The following FLVCR2 variants were observed in gnomAD, a reference collection of about 807,000 sequenced individuals.
FLVCR2 encodes FLVCR choline and putative heme transporter 2.
A neutral mutation model predicts 48.9 loss-of-function variants in FLVCR2; 38 were observed. The ratio of observed to expected loss-of-function variants is 0.78; its 90% CI spans 0.60 to 1.02. The LOEUF is 1.02. Ranked by LOEUF, FLVCR2 falls within the 50% of genes least tolerant of loss-of-function variation. The pLI is 0.00. For missense variants in FLVCR2, 664 were observed against 663.3 expected, an observed-to-expected ratio of 1.00 and a Z score of -0.01; for synonymous variants, 255 against 257.0, an observed-to-expected ratio of 0.99 and a Z score of 0.07.
At chr14:75,633,591 G>A (rs1412319980) in intron 3 of FLVCR2, 38 bp from the exon 4 acceptor site, 1 of 1,562,298 alleles carries the variant, frequency 6.4e-7, no homozygotes. Flanking sequence ...CCAGAAGAAA[G>A]CTGACCCTAA....
intron 1 of FLVCR2, among the ~76,000 whole-genome samples, chr14:75,606,502 A>G (rs1220096505): frequency 6.6e-6 from 1 of 152,166 alleles, no homozygotes; most frequent in African/African-American, 2.4e-5. Context: ...TCTGCTGAGA[A>G]GCTAGACAGG....
intron 1 of FLVCR2, among the ~76,000 whole-genome samples, chr14:75,585,725 G>A (rs887321616): frequency 5.9e-5 from 9 of 152,220 alleles, no homozygotes; most frequent in African/African-American, 2.2e-4. Context: ...TCCCCGCAAT[G>A]ATTAAACACC....
intron 1 of FLVCR2, among the ~76,000 whole-genome samples, chr14:75,602,280 A>G (rs1889184047): frequency 6.6e-6 from 1 of 152,114 alleles, no homozygotes; most frequent in Admixed American, 6.5e-5. Context: ...TACATTTCCA[A>G]GTTCGAATCC....
chr14:75,599,333 C>T (rs888031307), intron 1 of FLVCR2, among the ~76,000 whole-genome samples: 2 of 151,262 alleles, frequency 1.3e-5, no homozygotes, highest in Non-Finnish European at 2.9e-5. Flanking sequence ...AACACCCCCC[C>T]CCAAAAAATT....
Position 75,579,384 on chromosome 14 carries a change from C to T in FLVCR2, c.412C>T (p.Leu138Phe), listed in dbSNP as rs1888538331. 1 of 1,614,114 alleles carries T rather than the reference C, an allele frequency of 6.2e-7. No homozygotes were observed. Among genetic ancestry groups the T allele is most frequent in the Non-Finnish European group, 8.5e-7 (1 of 1,180,050 alleles). Residue 138 changes from leucine (L) to phenylalanine (F), a missense_variant, in exon 1 of 10, where the codon CTC becomes TTC. Coordinates refer to ENST00000238667, the MANE Select transcript of FLVCR2 (RefSeq NM_017791.3). ...MCYMLTYIPL[L>F]LPVAWLLEKF... ...CTACATGCTGACTTACATCCCTCTG[C>T]TCCTGCCAGTGGCTTGGCTGCTGGA...
intron 8 of FLVCR2, 26 bp downstream of exon 8, chr14:75,641,319 G>A (rs1594817108): frequency 6.4e-7 from 1 of 1,552,634 alleles, no homozygotes; most frequent in Non-Finnish European, 8.9e-7. Context: ...AGGGCAAGAT[G>A]AGGCTCAGGT....
intron 1 of FLVCR2, among the ~76,000 whole-genome samples, chr14:75,603,539 G>C (rs975542666): frequency 6.6e-6 from 1 of 152,070 alleles, no homozygotes; most frequent in African/African-American, 2.4e-5. Context: ...CTTTCAATTC[G>C]TTTGTGCTAT....
At chr14:75,607,841 G>A (rs933161608) in intron 1 of FLVCR2, among the ~76,000 whole-genome samples, 1 of 152,190 alleles carries the variant, frequency 6.6e-6, no homozygotes, top group Non-Finnish European at 1.5e-5. Context: ...GGGAGGTTGA[G>A]GTGGGAGAAT....
In FLVCR2 at chr14:75,634,963, G is replaced by T; in HGVS notation, c.1074G>T (p.Met358Ile). 6.2e-7 allele frequency: 1 copy of T among 1,614,118 alleles called. No homozygotes were observed. The highest frequency in any genetic ancestry group is 8.5e-7 in the Non-Finnish European group (1 of 1,179,966). ...RIGLTIVIAG[M>I]LGAVISGIWL... ...GCCTGACGATCGTCATTGCAGGAAT[G>T]CTTGGGGCTGTGATCTCAGGAATCT... Residue 358 changes from methionine to isoleucine, a missense_variant, in exon 5 of 10, where the codon ATG (methionine) becomes ATT (isoleucine). By Grantham distance (10) the Met-to-Ile change is conservative. Transcript: ENST00000238667.
At chr14:75,608,525 A>G (rs1393942294) in intron 1 of FLVCR2, among the ~76,000 whole-genome samples, 1 of 152,174 alleles carries the variant, frequency 6.6e-6, no homozygotes, top group Non-Finnish European at 1.5e-5. Context: ...GAACTGATTC[A>G]TCCCCACCCT....
intron 9 of FLVCR2, among the ~76,000 whole-genome samples, chr14:75,645,114 T>C (rs1460642960): frequency 6.6e-6 from 1 of 151,730 alleles, no homozygotes; most frequent in East Asian, 1.9e-4. Flanking sequence ...TGAAATAGGC[T>C]GTTAGTTTCC....
intron 1 of FLVCR2, among the ~76,000 whole-genome samples, chr14:75,588,489 G>GT (rs1888803880): frequency 6.6e-6 from 1 of 152,122 alleles, no homozygotes; most frequent in Non-Finnish European, 1.5e-5. Flanking sequence ...TGTTGTTATT[G>GT]TTTTTGTTTT....
intron 1 of FLVCR2, among the ~76,000 whole-genome samples, chr14:75,591,429 G>T (rs886519097): frequency 2.0e-5 from 3 of 152,224 alleles, no homozygotes; most frequent in African/African-American, 7.2e-5. Context: ...CCAGGAGGGG[G>T]TTCCCAATGC....
chr14:75,590,812 A>G (rs965156556), intron 1 of FLVCR2, among the ~76,000 whole-genome samples: 1 of 152,126 alleles, frequency 6.6e-6, no homozygotes, highest in Non-Finnish European at 1.5e-5. Flanking sequence ...TGCTTCCTAT[A>G]CAGCCTGCAG....
chr14:75,624,485 G>T (rs1889847156), intron 2 of FLVCR2, 127 bp from the exon 3 acceptor site: 2 of 1,103,734 alleles, frequency 1.8e-6, no homozygotes, highest in African/African-American at 1.5e-5. Flanking sequence ...TTTAATTAAA[G>T]AATTACTATT....
intron 3 of FLVCR2, chr14:75,632,498 G>C (rs971428175): frequency 4.8e-6 from 3 of 627,832 alleles, no homozygotes; most frequent in Non-Finnish European, 8.5e-6. Flanking sequence ...ACAAGTAATA[G>C]TGGTGCCTGT....
intron 1 of FLVCR2, among the ~76,000 whole-genome samples, chr14:75,586,240 G>C (rs974444316): frequency 3.3e-5 from 5 of 151,808 alleles, no homozygotes; most frequent in African/African-American, 1.2e-4. Context: ...TAGGAGCAAT[G>C]TTTTGCAGAC....
chr14:75,605,721 T>C (rs192251413), intron 1 of FLVCR2: 30 of 1,184,018 alleles, frequency 2.5e-5, no homozygotes, highest in African/African-American at 2.4e-4. Context: ...TCCCCTCCGA[T>C]TGCTTCTCCA....
At chr14:75,611,670 A>G (rs1026659347) in intron 1 of FLVCR2, among the ~76,000 whole-genome samples, 1 of 152,034 alleles carries the variant, frequency 6.6e-6, no homozygotes, top group African/African-American at 2.4e-5. Context: ...CCAGGGAAGT[A>G]GAAGCTTCAG....
Sources: gnomAD v4.1 joint callset for allele counts (sites outside exome capture counted in the v4.1 genomes callset) on GRCh38, gnomAD v4.1.1 for gene constraint, MANE v1.5 for transcripts, NCBI Gene and HGNC (gene_info 2026-07-23, HGNC 2026-07-21) for gene names.